Variants in ZP3 observed in about 807,000 individuals in gnomAD.
The protein encoded by ZP3 is zona pellucida glycoprotein 3.
In ZP3, 21 loss-of-function variants were observed where a neutral mutation model predicts 35.6. The observed-to-expected ratio is 0.59, with a 90% CI of 0.42 to 0.85. ZP3 has a LOEUF of 0.85. Ranked by LOEUF, ZP3 falls within the 40% of genes least tolerant of loss-of-function variation. The probability of loss-of-function intolerance (pLI) is 0.00; values close to 1 mark genes in which losing one functional copy is unlikely to be tolerated. For missense variants in ZP3, 437 were observed against 536.5 expected, an observed-to-expected ratio of 0.81 and a Z score of 1.83; for synonymous variants, 207 against 214.5, an observed-to-expected ratio of 0.96 and a Z score of 0.31.
At chr7:76,407,063 G>C (rs6465121) in intron 1 of ZP3, among the ~76,000 whole-genome samples, 71,849 of 151,446 alleles carry the variant, frequency 0.47, 17,661 homozygotes, top group African/African-American at 0.59. Flanking sequence ...TGGGTTCAAG[G>C]AATTCTTCTG....
At chr7:76,398,901 A>G (rs1353509515) in intron 1 of ZP3, 2 of 1,178,518 alleles carry the variant, frequency 1.7e-6, no homozygotes. Flanking sequence ...GCTTGCCGCC[A>G]GAGCCTCTGG....
chr7:76,427,060 C>A (rs1326577124), intron 1 of ZP3, among the ~76,000 whole-genome samples: 4 of 152,000 alleles, frequency 2.6e-5, no homozygotes, highest in Non-Finnish European at 5.9e-5. Flanking sequence ...CTTTTATTAA[C>A]CCCACCTGTG....
At chr7:76,421,645 A>G (rs546369655), upstream of ZP3, among the ~76,000 whole-genome samples, 36 of 151,162 alleles carry the variant, frequency 2.4e-4, no homozygotes, top group Non-Finnish European at 4.4e-4. Context: ...CCCAGGCTGG[A>G]GTGCAGTGGC....
Position 76,425,119 on chromosome 7 carries a change from T to G in ZP3, c.155T>G (p.Met52Arg), listed in dbSNP as rs778982670. 6.2e-7 allele frequency: 1 copy of G among 1,613,986 alleles called. No individual in the cohort carries two copies. Among genetic ancestry groups the G allele is most frequent in the South Asian group, 1.1e-5 (1 of 91,062 alleles). Reference protein sequence around the residue: ...VLVECQEATLMVMVSKDLFGT... With the variant: ...VLVECQEATLRVMVSKDLFGT... Reference sequence around the variant, plus strand: ...GTGGAGTGTCAGGAGGCCACTCTGATGGTCATGGTCAGCAAAGACCTTTTT... The same window carrying G: ...GTGGAGTGTCAGGAGGCCACTCTGAGGGTCATGGTCAGCAAAGACCTTTTT... The change falls in exon 1 of 8, where the codon ATG becomes AGG. Residue 52 changes from methionine to arginine, a missense_variant. This residue lies in a region of ZP3 where 352 missense variants were observed against 308.4 expected (regional missense o/e 1.14). Coordinates refer to ENST00000394857, the MANE Select transcript of ZP3 (RefSeq NM_001110354.2).
At chr7:76,423,079 G>GAAAGA (rs1373097013), upstream of ZP3, among the ~76,000 whole-genome samples, 3 of 138,598 alleles carry the variant, frequency 2.2e-5, no homozygotes, top group South Asian at 2.4e-4. Flanking sequence ...AAGAAAGAAA[G>GAAAGA]AAAGAAAAGA....
intron 1 of ZP3, among the ~76,000 whole-genome samples, chr7:76,417,396 A>G (rs1225228923): frequency 2.0e-5 from 3 of 151,848 alleles, no homozygotes; most frequent in Non-Finnish European, 4.4e-5. Context: ...TTACTGTGCA[A>G]AAAATGGGCT....
chr7:76,409,369 ACG>A, intron 1 of ZP3: 1 of 152,288 alleles, frequency 6.6e-6, no homozygotes, highest in Non-Finnish European at 1.5e-5. Flanking sequence ...ATGCATGCAC[ACG>A]CACACACACA....
chr7:76,407,750 A>G (rs1805086409), intron 1 of ZP3, among the ~76,000 whole-genome samples: 1 of 152,174 alleles, frequency 6.6e-6, no homozygotes, highest in Non-Finnish European at 1.5e-5. Context: ...AAAGAAAAAA[A>G]AAGTGCATAA....
intron 1 of ZP3, among the ~76,000 whole-genome samples, chr7:76,419,632 T>TC (rs1264426058): frequency 6.6e-6 from 1 of 151,936 alleles, no homozygotes; most frequent in African/African-American, 2.4e-5. Context: ...TTCTTTCTTT[T>TC]TCTTTCTTTC....
chr7:76,430,621 G>A (rs1805800417), intron 2 of ZP3, among the ~76,000 whole-genome samples: 1 of 152,148 alleles, frequency 6.6e-6, no homozygotes, highest in Non-Finnish European at 1.5e-5. Context: ...TGTAATCTCA[G>A]CTACTCAGGA....
At chr7:76,438,859 C>T (rs1247755820) in intron 5 of ZP3, among the ~76,000 whole-genome samples, 16 of 124,924 alleles carry the variant, frequency 1.3e-4, no homozygotes, top group East Asian at 2.3e-4. Flanking sequence ...TCTGGCCGGG[C>T]GCAGTGGCTC....
chr7:76,402,764 GGTTCAA>G (rs988600672), intron 1 of ZP3, among the ~76,000 whole-genome samples: 3 of 152,058 alleles, frequency 2.0e-5, no homozygotes, highest in Non-Finnish European at 4.4e-5. Context: ...CCCCCTCCTG[GGTTCAA>G]GTGATTCTCC....
intron 5 of ZP3, 153 bp from the exon 6 acceptor site, chr7:76,440,097 T>C (rs1806150471): frequency 1.4e-6 from 2 of 1,428,572 alleles, no homozygotes; most frequent in Non-Finnish European, 9.4e-7. Context: ...TCTACCCGCC[T>C]TGGGCTCCCA....
chr7:76,400,375 C>A, intron 1 of ZP3: 2 of 1,591,266 alleles, frequency 1.3e-6, no homozygotes, highest in Non-Finnish European at 8.6e-7. Context: ...AGCTTCCTGC[C>A]CGCGGCACTC....
upstream of ZP3, among the ~76,000 whole-genome samples, chr7:76,423,025 G>GAGAGAGAGAGAA (rs1278384225): frequency 1.2e-3 from 94 of 75,814 alleles, 1 homozygote; most frequent in South Asian, 6.8e-3. Flanking sequence ...GAGAGAGAGA[G>GAGAGAGAGAGAA]AGAAAGAAAG....
At chr7:76,436,075 TGA>T (rs1805998091) in intron 5 of ZP3, among the ~76,000 whole-genome samples, 1 of 100,220 alleles carries the variant, frequency 1.0e-5, no homozygotes, top group African/African-American at 4.0e-5. Flanking sequence ...TTTTTTTTTT[TGA>T]GAGGGTCTCT....
chr7:76,408,425 G>A (rs76141960), intron 1 of ZP3, among the ~76,000 whole-genome samples: 2,740 of 152,034 alleles, frequency 0.018, 86 homozygotes, highest in African/African-American at 0.062. Context: ...TGCTTGTTGT[G>A]GGGGGGCACA....
At chr7:76,424,222 G>A (rs1321183641), upstream of ZP3, among the ~76,000 whole-genome samples, 3 of 152,184 alleles carry the variant, frequency 2.0e-5, no homozygotes, top group Admixed American at 6.6e-5. Flanking sequence ...CTAAGGGCAG[G>A]GCCAGCAGGG....
At chr7:76,433,728 T>A in intron 4 of ZP3, 81 bp downstream of exon 4, 2 of 1,426,950 alleles carry the variant, frequency 1.4e-6, no homozygotes, top group Non-Finnish European at 1.9e-6. Flanking sequence ...TGAGACAGTG[T>A]CACTCTGTAA....
Sources: allele counts gnomAD v4.1 joint callset (sites outside exome capture counted in the v4.1 genomes callset), GRCh38; gene constraint gnomAD v4.1.1; regional missense constraint gnomAD v4.1.1; transcripts MANE v1.5; gene names NCBI Gene and HGNC (gene_info 2026-07-23, HGNC 2026-07-21).